DAB1: variants seen among roughly 807,000 people sequenced by gnomAD.
DAB1 encodes the protein DAB adaptor protein 1.
DAB1 carries 15 observed loss-of-function variants against 64.6 expected under a neutral mutation model. That is an observed-to-expected ratio of 0.23 (90% CI 0.16 to 0.36). The LOEUF is 0.36. Among genes scored for constraint, DAB1 ranks in the 10% least tolerant of loss-of-function variants. DAB1 has a pLI of 1.00. For synonymous variants in DAB1, 235 were observed against 251.9 expected, an observed-to-expected ratio of 0.93 and a Z score of 0.64; for missense variants, 596 against 706.7, an observed-to-expected ratio of 0.84 and a Z score of 1.78.
intron 7 of DAB1, among the ~76,000 whole-genome samples, chr1:57,592,631 G>A (rs1645458496): frequency 6.6e-6 from 1 of 151,896 alleles, no homozygotes; most frequent in Non-Finnish European, 1.5e-5. Flanking sequence ...TCTGTCTGTA[G>A]TAGACAGCTT....
intron 1 of DAB1, among the ~76,000 whole-genome samples, chr1:57,852,027 GAGGGGGTCTCAGGCAC>G (rs1265960418): frequency 6.6e-6 from 1 of 152,220 alleles, no homozygotes; most frequent in East Asian, 1.9e-4. Flanking sequence ...GAAGGAGACT[GAGGGGGTCTCAGGCAC>G]AAGGTCCTTC....
At chr1:58,129,714 T>C (rs1653394872) in intron 5 of DAB1, among the ~76,000 whole-genome samples, 1 of 149,722 alleles carries the variant, frequency 6.7e-6, no homozygotes, top group Non-Finnish European at 1.5e-5. Context: ...TTTCGTTATG[T>C]ACCCAGTAGT....
intron 5 of DAB1, among the ~76,000 whole-genome samples, chr1:57,998,432 G>A (rs117987658): frequency 0.01 from 1,410 of 136,352 alleles, 42 homozygotes; most frequent in East Asian, 0.087. Context: ...GCAATGGTGC[G>A]ATCTCAGCTC....
chr1:57,042,081 T>A (rs2100483106), intron 9 of DAB1, among the ~76,000 whole-genome samples: 1 of 152,212 alleles, frequency 6.6e-6, no homozygotes, highest in South Asian at 2.1e-4. Context: ...GGAAACAGGC[T>A]CAAAGGAAAC....
chr1:57,996,748 G>A (rs529164332), intron 5 of DAB1, among the ~76,000 whole-genome samples: 1 of 152,126 alleles, frequency 6.6e-6, no homozygotes, highest in East Asian at 1.9e-4. Flanking sequence ...TCAAATGTTG[G>A]GACAAATTAT....
intron 1 of DAB1, among the ~76,000 whole-genome samples, chr1:58,528,454 A>C (rs1646384594): frequency 6.6e-6 from 1 of 152,196 alleles, no homozygotes; most frequent in South Asian, 2.1e-4. Flanking sequence ...TGTGCCAGGT[A>C]CTGTGCTAAG....
chr1:58,181,863 T>C (rs145524350), intron 4 of DAB1, among the ~76,000 whole-genome samples: 1 of 152,150 alleles, frequency 6.6e-6, no homozygotes, highest in Admixed American at 6.6e-5. Flanking sequence ...TTGTCTTTTA[T>C]ATTTATCTTC....
intron 2 of DAB1, among the ~76,000 whole-genome samples, chr1:57,183,520 G>C (rs1024624988): frequency 6.6e-6 from 1 of 152,132 alleles, no homozygotes; most frequent in Non-Finnish European, 1.5e-5. Flanking sequence ...TTTGAAAGAG[G>C]GTAGGAGGGT....
chr1:58,322,583 G>A (rs1388692388), intron 4 of DAB1, among the ~76,000 whole-genome samples: 1 of 149,844 alleles, frequency 6.7e-6, no homozygotes, highest in African/African-American at 2.6e-5. Flanking sequence ...TAAAAAGTCA[G>A]GAAACAACAG....
chr1:58,491,093 C>A (rs1645679694), intron 3 of DAB1, among the ~76,000 whole-genome samples: 1 of 152,146 alleles, frequency 6.6e-6, no homozygotes, highest in East Asian at 1.9e-4. Flanking sequence ...AGGCGTGAAC[C>A]ACTGCACCCG....
chr1:58,528,668 A>C (rs1483379370), intron 1 of DAB1, among the ~76,000 whole-genome samples: 1 of 152,190 alleles, frequency 6.6e-6, no homozygotes, highest in Non-Finnish European at 1.5e-5. Flanking sequence ...CCAAAGTGTG[A>C]GTAGTGCTGA....
intron 5 of DAB1, among the ~76,000 whole-genome samples, chr1:58,110,283 T>A (rs1651900387): frequency 1.3e-5 from 2 of 152,228 alleles, no homozygotes; most frequent in Admixed American, 6.5e-5. Flanking sequence ...ACTTTTTTTT[T>A]ACCTTAGTTC....
chr1:57,016,995 T>C (rs1427409524), intron 11 of DAB1, among the ~76,000 whole-genome samples: 1 of 152,174 alleles, frequency 6.6e-6, no homozygotes, highest in African/African-American at 2.4e-5. Context: ...TGAGGTTGTC[T>C]GTCCCCCCAA....
chr1:57,175,830 GC>G (rs1218106397), intron 2 of DAB1, among the ~76,000 whole-genome samples: 2 of 152,124 alleles, frequency 1.3e-5, no homozygotes, highest in Non-Finnish European at 2.9e-5. Flanking sequence ...CAAAATGGCA[GC>G]CCCAGTAAAG....
chr1:57,494,293 T>G (rs1039917204), intron 7 of DAB1, among the ~76,000 whole-genome samples: 5 of 152,164 alleles, frequency 3.3e-5, no homozygotes, highest in Non-Finnish European at 7.3e-5. Context: ...CTCATTCTAT[T>G]GAAGTTCCAG....
At chr1:57,695,680 C>T (rs1449760881) in intron 6 of DAB1, among the ~76,000 whole-genome samples, 2 of 152,130 alleles carry the variant, frequency 1.3e-5, no homozygotes, top group African/African-American at 4.8e-5. Flanking sequence ...GGGTGGATCA[C>T]CTGAGGTCAG....
At chr1:57,711,881 C>T (rs1647033288) in intron 6 of DAB1, among the ~76,000 whole-genome samples, 1 of 152,068 alleles carries the variant, frequency 6.6e-6, no homozygotes, top group African/African-American at 2.4e-5. Context: ...TAGAGTAAAG[C>T]TTTTTCAGGT....
chr1:57,675,484 T>C (rs6682778), intron 6 of DAB1, among the ~76,000 whole-genome samples: 2,993 of 152,242 alleles, frequency 0.02, 98 homozygotes, highest in African/African-American at 0.068. Flanking sequence ...TCAACTCCAA[T>C]TGCTTTGAGG....
intron 5 of DAB1, among the ~76,000 whole-genome samples, chr1:58,077,275 A>G (rs529757859): frequency 1.3e-5 from 2 of 152,246 alleles, no homozygotes; most frequent in Non-Finnish European, 2.9e-5. Context: ...GTCACATAGC[A>G]AATAGGTAAA....
Sources: gnomAD v4.1 joint callset for allele counts (sites outside exome capture counted in the v4.1 genomes callset) on GRCh38, gnomAD v4.1.1 for gene constraint, MANE v1.5 for transcripts, NCBI Gene and HGNC (gene_info 2026-07-23, HGNC 2026-07-21) for gene names.